Variants in STAT5B observed in about 807,000 individuals in gnomAD.
STAT5B encodes transcription factor STAT5B.
In STAT5B, 21 loss-of-function variants were observed where a neutral mutation model predicts 107.8. The observed-to-expected ratio is 0.19, with a 90% CI of 0.14 to 0.28. STAT5B has a LOEUF of 0.28. STAT5B is among the 10% of genes least tolerant of loss of function. The probability of loss-of-function intolerance (pLI) is 1.00; values close to 1 mark genes in which losing one functional copy is unlikely to be tolerated. For missense variants in STAT5B, 565 were observed against 1,008.2 expected (o/e 0.56, Z 5.95); for synonymous variants, 325 against 401.7 (o/e 0.81, Z 2.28).
chr17:42,217,018 C>T (rs2080177447), intron 11 of STAT5B, 142 bp downstream of exon 11: 1 of 1,426,006 alleles, frequency 7.0e-7, no homozygotes. Context: ...AAACAGTTCT[C>T]AGGGTGAGGT....
At chr17:42,248,273 C>CAAA (rs61401221) in intron 1 of STAT5B, among the ~76,000 whole-genome samples, 11 of 69,142 alleles carry the variant, frequency 1.6e-4, no homozygotes, top group South Asian at 5.4e-4. Flanking sequence ...AGATCTTGTC[C>CAAA]AAAAAAAAAA....
At chr17:42,235,727 C>T (rs898034312) in intron 1 of STAT5B, among the ~76,000 whole-genome samples, 4 of 152,188 alleles carry the variant, frequency 2.6e-5, no homozygotes, top group African/African-American at 9.7e-5. Context: ...CTGCCCTCCT[C>T]GGCCTCCCAA....
At chr17:42,250,485 C>T (rs904968038) in intron 1 of STAT5B, among the ~76,000 whole-genome samples, 1 of 152,052 alleles carries the variant, frequency 6.6e-6, no homozygotes, top group African/African-American at 2.4e-5. Flanking sequence ...TAAATAATAG[C>T]AAAGGAATAA....
At chr17:42,242,217 A>G (rs1029688037) in intron 1 of STAT5B, among the ~76,000 whole-genome samples, 1 of 152,212 alleles carries the variant, frequency 6.6e-6, no homozygotes, top group African/African-American at 2.4e-5. Context: ...GGTTTCAATC[A>G]GCAGGTTACT....
At chr17:42,263,298 T>C in intron 1 of STAT5B, among the ~76,000 whole-genome samples, 1 of 151,918 alleles carries the variant, frequency 6.6e-6, no homozygotes, top group East Asian at 1.9e-4. Flanking sequence ...TAAATGAAAT[T>C]ATGATGATTT....
At chr17:42,227,386 A>C in intron 3 of STAT5B, 143 bp downstream of exon 3, 1 of 1,240,886 alleles carries the variant, frequency 8.1e-7, no homozygotes, top group Non-Finnish European at 1.1e-6. Context: ...AGTAAAAAAA[A>C]AAAAAAAGAC....
Position 42,242,224 on chromosome 17 carries a change from T to G in STAT5B, c.-10-10087A>C, listed in dbSNP as rs114504024. On this transcript the variant is annotated intron_variant, in intron 1 of 18. Transcript: ENST00000293328. ...AAAAATCAGGTTTCAATCAGCAGGT[T>G]ACTATATATTTAAAACTCTCATCTA... Among the ~76,000 whole-genome samples the G allele has an allele frequency of 3.4e-3, 518 of 152,264 alleles. 4 individuals carry two copies. Among genetic ancestry groups the G allele is most frequent in the African/African-American group, 0.012 (498 of 41,574 alleles).
intron 3 of STAT5B, 57 bp from the exon 4 acceptor site, chr17:42,224,925 C>T (rs1325171543): frequency 5.7e-6 from 9 of 1,589,460 alleles, no homozygotes; most frequent in South Asian, 3.3e-5. Flanking sequence ...TGGGCCCTAA[C>T]CATGCCTCAG....
At chr17:42,277,739 T>C (rs1290660406), upstream of STAT5B, among the ~76,000 whole-genome samples, 1 of 151,630 alleles carries the variant, frequency 6.6e-6, no homozygotes, top group Admixed American at 6.6e-5. Context: ...ATTTCTCTTT[T>C]ATCTTTTCTT....
chr17:42,263,587 C>T (rs2080637251), intron 1 of STAT5B, among the ~76,000 whole-genome samples: 1 of 152,102 alleles, frequency 6.6e-6, no homozygotes, highest in African/African-American at 2.4e-5. Context: ...AATGCAGTGG[C>T]TCAATCACAG....
At chr17:42,247,643 G>A (rs1031324554) in intron 1 of STAT5B, among the ~76,000 whole-genome samples, 1 of 152,094 alleles carries the variant, frequency 6.6e-6, no homozygotes, top group Non-Finnish European at 1.5e-5. Flanking sequence ...ACGAGTAGCA[G>A]GTTTGTTAAG....
At chr17:42,247,257 A>G (rs1266937099) in intron 1 of STAT5B, among the ~76,000 whole-genome samples, 1 of 152,176 alleles carries the variant, frequency 6.6e-6, no homozygotes, top group Non-Finnish European at 1.5e-5. Context: ...GAGACCAATA[A>G]TACCTTAGAA....
rs2080040829 is a variant in STAT5B at position 42,201,199 on chromosome 17, G to T, written c.*539C>A. 1.4e-5 allele frequency: 6 copies of T among 415,236 alleles called. No individual in the cohort carries two copies. The highest frequency in any genetic ancestry group is 1.0e-4 in the African/African-American group (5 of 48,914). The allele number at this position is 415,236 out of a possible 1,614,324, so 25.7% of individuals were successfully genotyped here. On this transcript the variant is annotated 3_prime_UTR_variant, in exon 19 of 19. Transcript: ENST00000293328. ...CAAGAACACAGGGGTGGGGGAGAGG[G>T]AAGGCTCTCTTTGTCAAAAAGCAGT...
chr17:42,244,443 C>G (rs755307102), intron 1 of STAT5B, among the ~76,000 whole-genome samples: 1 of 151,982 alleles, frequency 6.6e-6, no homozygotes, highest in Non-Finnish European at 1.5e-5. Context: ...TCAAGATCAA[C>G]TCATCTTAGA....
rs919666180 is a variant in STAT5B at position 42,216,245 on chromosome 17, G to A, written c.1381-139C>T. 29 of 729,108 alleles carry A rather than the reference G, an allele frequency of 4.0e-5. No individual in the cohort carries two copies. In the African/African-American group the frequency reaches 4.7e-4, roughly 12 times the overall value. The allele number at this position is 729,108 out of a possible 1,614,324, so 45.2% of individuals were successfully genotyped here. On this transcript the variant is annotated intron_variant, in intron 11 of 18. Coordinates refer to ENST00000293328, the MANE Select transcript of STAT5B (RefSeq NM_012448.4). Reference sequence around the variant, plus strand: ...TTCCTCTCAGACACAGAATCTAAATGGCCCCAGGAATAATATGACTTTTCA... The same window carrying A: ...TTCCTCTCAGACACAGAATCTAAATAGCCCCAGGAATAATATGACTTTTCA...
chr17:42,225,124 G>A (rs955476121), intron 3 of STAT5B, among the ~76,000 whole-genome samples: 1 of 151,860 alleles, frequency 6.6e-6, no homozygotes, highest in Non-Finnish European at 1.5e-5. Flanking sequence ...GCACAACCTC[G>A]GGCCACTGCA....
intron 13 of STAT5B, 109 bp downstream of exon 13, chr17:42,211,875 G>T (rs2080132291): frequency 3.3e-6 from 5 of 1,499,024 alleles, no homozygotes; most frequent in Non-Finnish European, 4.5e-6. Flanking sequence ...ATTACTTTCG[G>T]TACATTTTAT....
chr17:42,224,863 C>T lies in STAT5B; in HGVS notation c.291G>A (p.Thr97=), dbSNP rs760931428. The T allele has an allele frequency of 9.3e-6, 15 of 1,613,302 alleles. No homozygotes were observed. Among genetic ancestry groups the T allele is most frequent in the African/African-American group, 8.0e-5 (6 of 74,810 alleles). ...LGHYATQLQN[T]YDRCPMELVR... is the part of the protein sequence containing the mutation. Reference sequence around the variant, plus strand: ...CCAGCTCCATGGGGCAGCGGTCATACGTGTTCTGAAAGAATCCAACAGCAG... The same window carrying T: ...CCAGCTCCATGGGGCAGCGGTCATATGTGTTCTGAAAGAATCCAACAGCAG... Residue 97 remains threonine (T), a synonymous_variant, in exon 4 of 19, where the codon ACG becomes ACA. Transcript: ENST00000293328.
intron 15 of STAT5B, among the ~76,000 whole-genome samples, chr17:42,209,461 C>T (rs1598296848): frequency 6.6e-6 from 1 of 152,326 alleles, no homozygotes; most frequent in South Asian, 2.1e-4. Flanking sequence ...TGCAGTGGCT[C>T]AAGCCCGTAA....
Sources: gnomAD v4.1 joint callset for allele counts (sites outside exome capture counted in the v4.1 genomes callset) on GRCh38, gnomAD v4.1.1 for gene constraint, MANE v1.5 for transcripts, NCBI Gene and HGNC (gene_info 2026-07-23, HGNC 2026-07-21) for gene names.